RANBP2: variants seen among roughly 807,000 people sequenced by gnomAD.
RANBP2 encodes the protein RAN binding protein 2, also known as E3 SUMO-protein ligase RanBP2.
A neutral mutation model predicts 303.6 loss-of-function variants in RANBP2; 57 were observed. The ratio of observed to expected loss-of-function variants is 0.19; its 90% CI spans 0.15 to 0.23. The LOEUF is 0.23. RANBP2 is among the 10% of genes least tolerant of loss of function. The probability of loss-of-function intolerance (pLI) is 1.00; values close to 1 mark genes in which losing one functional copy is unlikely to be tolerated. For synonymous variants in RANBP2, 1,167 were observed against 1,301.5 expected, an observed-to-expected ratio of 0.90 and a Z score of 2.23; for missense variants, 3,138 against 3,780.8, an observed-to-expected ratio of 0.83 and a Z score of 4.46.
At chr2:109,564,127 ACATTCT>A in the RANBP2 span, 1 of 377,994 alleles carries the variant, frequency 2.6e-6, no homozygotes, top group Admixed American at 4.5e-5. Context: ...CCTCTGCCAT[ACATTCT>A]TCATCATATT....
At chr2:109,432,601 T>C in the RANBP2 span, 1 of 1,613,288 alleles carries the variant, frequency 6.2e-7, no homozygotes, top group Non-Finnish European at 8.5e-7. Flanking sequence ...GGATGGCTGG[T>C]TCAAGGGGGC....
chr2:109,253,439 T>C, the RANBP2 span, among the ~76,000 whole-genome samples: 2 of 152,232 alleles, frequency 1.3e-5, no homozygotes, highest in African/African-American at 4.8e-5. Context: ...TGGGCGCTGC[T>C]TTCCGGGTGG....
At chr2:109,155,181 T>C in the RANBP2 span, among the ~76,000 whole-genome samples, 1 of 152,208 alleles carries the variant, frequency 6.6e-6, no homozygotes, top group African/African-American at 2.4e-5. Context: ...AAACTACAAC[T>C]TGCTATGCTG....
the RANBP2 span, among the ~76,000 whole-genome samples, chr2:108,979,467 TCACACACACA>T: frequency 1.9e-4 from 28 of 147,222 alleles, no homozygotes; most frequent in East Asian, 5.1e-3. Flanking sequence ...TCTCTCTCTC[TCACACACACA>T]CACACACACA....
the RANBP2 span, chr2:108,908,107 C>A: frequency 2.9e-6 from 4 of 1,403,288 alleles, no homozygotes; most frequent in South Asian, 2.9e-5. Flanking sequence ...GTCCATTGCC[C>A]AGCTGTGGAC....
chr2:109,067,417 C>G, the RANBP2 span, among the ~76,000 whole-genome samples: 19 of 152,246 alleles, frequency 1.2e-4, no homozygotes, highest in Admixed American at 2.0e-4. Flanking sequence ...TCTCTCGCAG[C>G]CCCGCCTGTG....
At chr2:109,351,717 C>A in the RANBP2 span, among the ~76,000 whole-genome samples, 4 of 152,172 alleles carry the variant, frequency 2.6e-5, no homozygotes, top group Non-Finnish European at 5.9e-5. Context: ...CAGCGGGGCC[C>A]CCAGGCTTGC....
the RANBP2 span, among the ~76,000 whole-genome samples, chr2:109,458,633 G>GGA: frequency 1.4e-4 from 15 of 104,526 alleles, no homozygotes; most frequent in South Asian, 4.4e-3. Flanking sequence ...ATGTGACTGT[G>GGA]GAGGCTGGCA....
At chr2:108,998,067 C>T in the RANBP2 span, among the ~76,000 whole-genome samples, 2 of 152,110 alleles carry the variant, frequency 1.3e-5, no homozygotes, top group South Asian at 4.1e-4. Flanking sequence ...ACTCTTCAGT[C>T]TACCGGAACT....
At chr2:109,536,050 G>A in the RANBP2 span, among the ~76,000 whole-genome samples, 1 of 128,792 alleles carries the variant, frequency 7.8e-6, no homozygotes, top group Non-Finnish European at 1.6e-5. Context: ...AGTGGGTGGG[G>A]GTGGGGGGGG....
At chr2:109,709,199 G>A in the RANBP2 span, among the ~76,000 whole-genome samples, 1 of 151,014 alleles carries the variant, frequency 6.6e-6, no homozygotes, top group East Asian at 1.9e-4. Flanking sequence ...CCAGCTACTC[G>A]GGAGGCTGAG....
chr2:108,908,219 T>C, the RANBP2 span, among the ~76,000 whole-genome samples: 1 of 152,096 alleles, frequency 6.6e-6, no homozygotes, highest in Non-Finnish European at 1.5e-5. Flanking sequence ...TTCCTGCTTC[T>C]TTCCAAACAA....
At chr2:108,874,864 C>T in the RANBP2 span, among the ~76,000 whole-genome samples, 12 of 152,068 alleles carry the variant, frequency 7.9e-5, no homozygotes, top group Middle Eastern at 3.4e-3. Context: ...CTTATGGTGC[C>T]ATGAAGCTGC....
chr2:108,731,443 T>G lies in RANBP2; in HGVS notation c.374T>G (p.Phe125Cys), dbSNP rs753998662. 6.2e-7 allele frequency: 1 copy of G among 1,611,360 alleles called. No individual in the cohort carries two copies. The highest frequency in any genetic ancestry group is 2.2e-5 in the East Asian group (1 of 44,788). The change falls in exon 4 of 29, where the codon TTC becomes TGC. Residue 125 changes from phenylalanine to cysteine, a missense_variant. This residue lies in a region of RANBP2 where 306 missense variants were observed against 381.9 expected (regional missense o/e 0.80). Transcript: ENST00000283195. ...KYWLERAAKL[F>C]PGSPAIYKLK... Reference sequence around the variant, plus strand: ...TGGCTTGAAAGAGCAGCCAAACTTTTCCCAGGAAGTCCTGCAATTTATAAA... The same window carrying G: ...TGGCTTGAAAGAGCAGCCAAACTTTGCCCAGGAAGTCCTGCAATTTATAAA...
At chr2:109,171,661 G>A in the RANBP2 span, among the ~76,000 whole-genome samples, 3 of 152,224 alleles carry the variant, frequency 2.0e-5, no homozygotes, top group Admixed American at 6.5e-5. Context: ...AGGGCTCCAG[G>A]GCTGTTTAGT....
chr2:109,490,562 G>A, the RANBP2 span: 39 of 1,365,952 alleles, frequency 2.9e-5, no homozygotes, highest in Non-Finnish European at 3.6e-5. Context: ...AGGGCATTGG[G>A]AAGCATTCAC....
At chr2:109,007,128 A>C in the RANBP2 span, among the ~76,000 whole-genome samples, 10 of 152,226 alleles carry the variant, frequency 6.6e-5, no homozygotes, top group Non-Finnish European at 1.3e-4. Context: ...GACGCATTGC[A>C]TATGTGGATT....
chr2:108,760,012 A>C (rs1427704543), intron 18 of RANBP2, among the ~76,000 whole-genome samples: 3 of 152,176 alleles, frequency 2.0e-5, no homozygotes, highest in Admixed American at 6.5e-5. Flanking sequence ...ACAGGTTCAC[A>C]AAACAGCTTT....
At chr2:109,623,799 C>A in the RANBP2 span, among the ~76,000 whole-genome samples, 1 of 152,072 alleles carries the variant, frequency 6.6e-6, no homozygotes, top group East Asian at 1.9e-4. Flanking sequence ...ACCATGGAAG[C>A]CAAAATCAAT....
Sources: allele counts gnomAD v4.1 joint callset (sites outside exome capture counted in the v4.1 genomes callset), GRCh38; gene constraint gnomAD v4.1.1; regional missense constraint gnomAD v4.1.1; transcripts MANE v1.5; gene names NCBI Gene and HGNC (gene_info 2026-07-23, HGNC 2026-07-21).